TMOD2: variants seen among roughly 807,000 people sequenced by gnomAD.
The protein encoded by TMOD2 is tropomodulin-2.
TMOD2 carries 22 observed loss-of-function variants against 39.9 expected under a neutral mutation model. The ratio of observed to expected loss-of-function variants is 0.55; its 90% CI spans 0.39 to 0.79. The LOEUF (loss-of-function observed/expected upper bound fraction) is 0.79. Among genes scored for constraint, TMOD2 ranks in the 30% least tolerant of loss-of-function variants. The probability of loss-of-function intolerance (pLI) is 0.00; values close to 1 mark genes in which losing one functional copy is unlikely to be tolerated. For synonymous variants in TMOD2, 123 were observed against 146.1 expected, an observed-to-expected ratio of 0.84 and a Z score of 1.14; for missense variants, 386 against 413.3, an observed-to-expected ratio of 0.93 and a Z score of 0.57.
intron 5 of TMOD2, among the ~76,000 whole-genome samples, chr15:51,777,763 C>T (rs1433211985): frequency 2.0e-5 from 3 of 152,098 alleles, no homozygotes; most frequent in African/African-American, 7.2e-5. Context: ...TACTGGCAAA[C>T]CGAATCCAGC....
chr15:51,764,303 GGAGACC>G (rs1335782293), intron 1 of TMOD2, among the ~76,000 whole-genome samples: 37 of 152,168 alleles, frequency 2.4e-4, no homozygotes, highest in African/African-American at 8.9e-4. Flanking sequence ...GGCAACAGAG[GGAGACC>G]CTATCTCTAA....
chr15:51,802,767 C>A (rs2141642961), intron 8 of TMOD2, among the ~76,000 whole-genome samples: 1 of 152,278 alleles, frequency 6.6e-6, no homozygotes, highest in Middle Eastern at 3.4e-3. Context: ...TGCTGCCACT[C>A]CCTCCCATTT....
At chr15:51,797,067 T>C (rs554780758) in intron 7 of TMOD2, among the ~76,000 whole-genome samples, 2 of 152,332 alleles carry the variant, frequency 1.3e-5, no homozygotes, top group South Asian at 4.1e-4. Flanking sequence ...ATTTAAAACT[T>C]ATGAATTGTT....
At chr15:51,761,137 A>G (rs2055777927) in intron 1 of TMOD2, among the ~76,000 whole-genome samples, 1 of 152,208 alleles carries the variant, frequency 6.6e-6, no homozygotes, top group Non-Finnish European at 1.5e-5. Flanking sequence ...TGATCCAATT[A>G]TAGTGTTCTG....
chr15:51,810,332 T>C lies in TMOD2; in HGVS notation c.*1878T>C, dbSNP rs1224708373. On this transcript the variant is annotated 3_prime_UTR_variant, in exon 10 of 10. Coordinates refer to ENST00000249700, the MANE Select transcript of TMOD2 (RefSeq NM_014548.4). ...TATTAAGGACAGAAGTAACAAATAC[T>C]GTACTCAAAAATCTTACATTTTACT... is the stretch of plus-strand genomic sequence containing the variant. The C allele has an allele frequency of 6.6e-6, 1 of 152,244 alleles. No homozygotes were observed. The highest frequency in any genetic ancestry group is 6.5e-5 in the Admixed American group (1 of 15,280). 9.4% of individuals were successfully genotyped at this position (152,244 alleles called of 1,614,324 possible).
chr15:51,807,029 G>A (rs2056125794), intron 9 of TMOD2, among the ~76,000 whole-genome samples: 2 of 152,240 alleles, frequency 1.3e-5, no homozygotes, highest in Admixed American at 1.3e-4. Context: ...GTGGCCACTT[G>A]TTGCTGAGGA....
intron 1 of TMOD2, among the ~76,000 whole-genome samples, chr15:51,752,267 T>G (rs1457062047): frequency 6.6e-6 from 1 of 152,166 alleles, no homozygotes; most frequent in African/African-American, 2.4e-5. Flanking sequence ...TTATTATTAT[T>G]GTTATTACTT....
At chr15:51,756,349 AAC>A (rs1476463450) in intron 1 of TMOD2, 3 of 152,250 alleles carry the variant, frequency 2.0e-5, no homozygotes, top group Non-Finnish European at 4.4e-5. Context: ...GAACACCTAA[AAC>A]ACGAGATTAT....
chr15:51,800,228 C>T (rs567629475), intron 8 of TMOD2, among the ~76,000 whole-genome samples: 26 of 152,282 alleles, frequency 1.7e-4, no homozygotes, highest in Middle Eastern at 3.4e-3. Context: ...AAATTTAGAA[C>T]AGAGCAGCTT....
In TMOD2 at chr15:51,788,611, G is replaced by C. The variant is rs529054361; in HGVS notation, c.732+5783G>C. ...TTGAAATGAAGGAAAAAATGTTAAGGGCAGCCAGAGAGAAAGGTTGGGTTA... is the reference window on the plus strand; with the variant it reads ...TTGAAATGAAGGAAAAAATGTTAAGCGCAGCCAGAGAGAAAGGTTGGGTTA... On this transcript the variant is annotated intron_variant, in intron 7 of 9. Transcript: ENST00000249700. Among the ~76,000 whole-genome samples, 10 of 152,248 alleles carry C rather than the reference G, an allele frequency of 6.6e-5. No individual in the cohort carries two copies. The East Asian group carries it at 1.7e-3, about 26-fold the overall frequency.
intron 1 of TMOD2, among the ~76,000 whole-genome samples, chr15:51,757,182 ACC>A (rs1397357221): frequency 3.3e-5 from 5 of 152,194 alleles, no homozygotes; most frequent in Non-Finnish European, 5.9e-5. Context: ...CAGGTGGATC[ACC>A]TGTGATCAGG....
chr15:51,762,422 C>T (rs956487302), intron 1 of TMOD2, among the ~76,000 whole-genome samples: 2 of 152,118 alleles, frequency 1.3e-5, no homozygotes, highest in African/African-American at 2.4e-5. Context: ...TGACATACAA[C>T]TGAACTCAAG....
At chr15:51,774,271 C>G (rs2055872892) in intron 4 of TMOD2, among the ~76,000 whole-genome samples, 1 of 152,024 alleles carries the variant, frequency 6.6e-6, no homozygotes, top group Non-Finnish European at 1.5e-5. Context: ...TTAACAATAG[C>G]AACATGATAA....
chr15:51,798,518 T>C (rs201857510), intron 8 of TMOD2, among the ~76,000 whole-genome samples, 178 bp downstream of exon 8: 24 of 152,354 alleles, frequency 1.6e-4, no homozygotes, highest in African/African-American at 5.8e-4. Context: ...AAGAGCATGT[T>C]ACTAATCAAA....
In TMOD2 at chr15:51,753,946, G is replaced by T. The variant is rs1046144726; in HGVS notation, c.-70+2234G>T. The stretch of plus-strand genomic sequence containing the variant: ...ATAAATAAGCGAATAAAGAGAAAGT[G>T]TTGTAGAAGACGGGGGTGGTTCGTG... On this transcript the variant is annotated intron_variant, in intron 1 of 9. Coordinates refer to ENST00000249700, the MANE Select transcript of TMOD2 (RefSeq NM_014548.4). Among the ~76,000 whole-genome samples the T allele has an allele frequency of 2.6e-5, 4 of 152,220 alleles. No individual in the cohort carries two copies. In the South Asian group the frequency reaches 8.3e-4, roughly 32 times the overall value.
chr15:51,773,137 G>T (rs2055864316), intron 3 of TMOD2, among the ~76,000 whole-genome samples: 1 of 152,078 alleles, frequency 6.6e-6, no homozygotes, highest in African/African-American at 2.4e-5. Flanking sequence ...GCCTCCCCTT[G>T]ACCTGAGGGT....
chr15:51,764,541 G>A (rs1032665473), intron 1 of TMOD2, among the ~76,000 whole-genome samples: 12 of 152,118 alleles, frequency 7.9e-5, no homozygotes, highest in East Asian at 3.9e-4. Context: ...AAAGATTGGC[G>A]TGCTCAGATC....
chr15:51,769,269 C>A (rs377077610), intron 3 of TMOD2, among the ~76,000 whole-genome samples: 3 of 152,158 alleles, frequency 2.0e-5, no homozygotes, highest in African/African-American at 7.2e-5. Context: ...TTTCTCTTAG[C>A]CTGGTGCTTT....
intron 1 of TMOD2, among the ~76,000 whole-genome samples, chr15:51,761,913 C>T (rs1324142948): frequency 4.0e-5 from 6 of 151,660 alleles, no homozygotes; most frequent in African/African-American, 1.5e-4. Flanking sequence ...TTTGGGAGGC[C>T]GAAACAGGCA....
Sources: allele counts gnomAD v4.1 joint callset (sites outside exome capture counted in the v4.1 genomes callset), GRCh38; gene constraint gnomAD v4.1.1; transcripts MANE v1.5; gene names NCBI Gene and HGNC (gene_info 2026-07-23, HGNC 2026-07-21).